Variants in KCNQ5 observed in about 807,000 individuals in gnomAD.
KCNQ5 encodes the protein potassium voltage-gated channel subfamily KQT member 5.
In KCNQ5, 30 loss-of-function variants were observed where a neutral mutation model predicts 98.2. The observed-to-expected ratio is 0.31, with a 90% confidence interval of 0.23 to 0.41. KCNQ5 has a LOEUF of 0.41. Among genes scored for constraint, KCNQ5 ranks in the 10% least tolerant of loss-of-function variants. The pLI is 1.00. For synonymous variants in KCNQ5, 458 were observed against 449.4 expected, an observed-to-expected ratio of 1.02 and a Z score of -0.24; for missense variants, 835 against 1,182.5, an observed-to-expected ratio of 0.71 and a Z score of 4.31.
chr6:73,192,598 A>T lies in KCNQ5; in HGVS notation c.1743A>T (p.Thr581=). 1 of 1,611,796 alleles carries T rather than the reference A, an allele frequency of 6.2e-7. No homozygotes were observed. Among genetic ancestry groups the T allele is most frequent in the Non-Finnish European group, 8.5e-7 (1 of 1,178,880 alleles). The change falls in exon 13 of 14, where the codon ACA becomes ACT. Residue 581 remains threonine, a synonymous_variant. Coordinates refer to ENST00000370398, the MANE Select transcript of KCNQ5 (RefSeq NM_019842.4). ...AAATTCTTGGAAAAGGGCAAATCAC[A>T]TCAGATAAGAAGAGCCGAGAGAAAA... The part of the protein sequence containing the change: ...VDQILGKGQI[T]SDKKSREKIT...
chr6:73,189,643 T>C (rs1244388499), intron 11 of KCNQ5, among the ~76,000 whole-genome samples: 2 of 152,194 alleles, frequency 1.3e-5, no homozygotes, highest in Non-Finnish European at 2.9e-5. Flanking sequence ...GGATTTAAAT[T>C]TACCTGCAAT....
intron 7 of KCNQ5, among the ~76,000 whole-genome samples, chr6:73,113,876 T>C (rs1775367580): frequency 1.3e-5 from 2 of 152,244 alleles, no homozygotes; most frequent in African/African-American, 4.8e-5. Flanking sequence ...ATTGAACTTG[T>C]ACAAATGCAG....
In KCNQ5 at chr6:72,977,626, G is replaced by C. The variant is rs1050204532; in HGVS notation, c.399-26282G>C. ...TGGCTTGATGACTTTAGGGGTTTGG[G>C]GGTTTCACTTACAAATTCAGTAAAT... On this transcript the variant is annotated intron_variant, in intron 1 of 13. Transcript: ENST00000370398. Among the ~76,000 whole-genome samples the C allele has an allele frequency of 3.3e-5, 5 of 152,080 alleles. No individual in the cohort carries two copies. The East Asian group carries it at 7.7e-4, about 23-fold the overall frequency.
chr6:72,795,729 A>G (rs938561931), intron 1 of KCNQ5, among the ~76,000 whole-genome samples: 2 of 152,224 alleles, frequency 1.3e-5, no homozygotes, highest in African/African-American at 4.8e-5. Context: ...GATGTGAACT[A>G]CAGGGATTAT....
chr6:72,729,479 G>T (rs1770451010), intron 1 of KCNQ5, among the ~76,000 whole-genome samples: 2 of 152,112 alleles, frequency 1.3e-5, no homozygotes, highest in Admixed American at 1.3e-4. Flanking sequence ...GTAGAAACAG[G>T]GTTTCGCCAT....
intron 1 of KCNQ5, among the ~76,000 whole-genome samples, chr6:72,696,049 A>C (rs1181941919): frequency 6.6e-6 from 1 of 152,246 alleles, no homozygotes; most frequent in Non-Finnish European, 1.5e-5. Flanking sequence ...GAAGGTACAA[A>C]TATCTAGTAG....
intron 1 of KCNQ5, among the ~76,000 whole-genome samples, chr6:72,714,969 C>T (rs1392979311): frequency 6.6e-6 from 1 of 151,774 alleles, no homozygotes; most frequent in Non-Finnish European, 1.5e-5. Flanking sequence ...TTCTGTGAGC[C>T]AATTGTTTTT....
At chr6:73,066,503 A>G in intron 3 of KCNQ5, among the ~76,000 whole-genome samples, 1 of 152,228 alleles carries the variant, frequency 6.6e-6, no homozygotes, top group East Asian at 1.9e-4. Flanking sequence ...ATATTTGTCG[A>G]ATGAACTAAT....
chr6:72,953,978 C>T (rs773871225), intron 1 of KCNQ5, among the ~76,000 whole-genome samples: 9 of 152,026 alleles, frequency 5.9e-5, no homozygotes, highest in Non-Finnish European at 1.3e-4. Flanking sequence ...TTTCAATTAA[C>T]GAACCACCAA....
intron 8 of KCNQ5, 69 bp downstream of exon 8, chr6:73,120,646 CA>C (rs1263809409): frequency 4.2e-6 from 4 of 955,458 alleles, no homozygotes; most frequent in Non-Finnish European, 6.4e-6. Flanking sequence ...ACCATACCCA[CA>C]CACACAAAAA....
intron 2 of KCNQ5, among the ~76,000 whole-genome samples, chr6:73,035,805 A>G (rs1290909959): frequency 6.6e-6 from 1 of 152,110 alleles, no homozygotes; most frequent in African/African-American, 2.4e-5. Context: ...ATTGTTATTG[A>G]GATAATTGTA....
intron 1 of KCNQ5, among the ~76,000 whole-genome samples, chr6:72,727,365 G>T (rs1770337099): frequency 6.6e-6 from 1 of 152,214 alleles, no homozygotes; most frequent in Admixed American, 6.5e-5. Flanking sequence ...GTTTGTATAA[G>T]ATTGTCATCT....
At chr6:72,757,838 G>T (rs1241258185) in intron 1 of KCNQ5, among the ~76,000 whole-genome samples, 1 of 152,058 alleles carries the variant, frequency 6.6e-6, no homozygotes, top group African/African-American at 2.4e-5. Context: ...AAGAACAGAA[G>T]AAAATTAAAG....
intron 1 of KCNQ5, among the ~76,000 whole-genome samples, chr6:72,812,210 G>A (rs922666753): frequency 2.0e-5 from 3 of 152,158 alleles, no homozygotes; most frequent in South Asian, 2.1e-4. Context: ...GGGTCTTTAT[G>A]ACCTGTATCT....
intron 1 of KCNQ5, among the ~76,000 whole-genome samples, chr6:72,909,616 T>C (rs1433795901): frequency 6.6e-6 from 1 of 152,156 alleles, no homozygotes; most frequent in Non-Finnish European, 1.5e-5. Context: ...TTCAAGAGGA[T>C]GTTTTCTAGA....
At chr6:73,153,204 G>A (rs1777224373) in intron 10 of KCNQ5, among the ~76,000 whole-genome samples, 1 of 152,024 alleles carries the variant, frequency 6.6e-6, no homozygotes, top group African/African-American at 2.4e-5. Flanking sequence ...TCTCAGTGTT[G>A]GCATAGGGTT....
At chr6:72,711,251 A>G (rs952153930) in intron 1 of KCNQ5, among the ~76,000 whole-genome samples, 7 of 151,932 alleles carry the variant, frequency 4.6e-5, no homozygotes, top group Non-Finnish European at 7.4e-5. Context: ...CCATTTACAA[A>G]CCAAGCAGAG....
At chr6:73,047,660 G>A (rs1772032285) in intron 3 of KCNQ5, among the ~76,000 whole-genome samples, 1 of 152,204 alleles carries the variant, frequency 6.6e-6, no homozygotes. Flanking sequence ...ATGATATACT[G>A]TATTAACATT....
At chr6:73,153,903 C>CTA (rs982184685) in intron 10 of KCNQ5, among the ~76,000 whole-genome samples, 3 of 3,404 alleles carry the variant, frequency 8.8e-4, no homozygotes, top group Non-Finnish European at 1.6e-3. Flanking sequence ...TTCAATTCCA[C>CTA]TAAAAAAAAA....
Sources: gnomAD v4.1 joint callset for allele counts (sites outside exome capture counted in the v4.1 genomes callset) on GRCh38, gnomAD v4.1.1 for gene constraint, MANE v1.5 for transcripts, NCBI Gene and HGNC (gene_info 2026-07-23, HGNC 2026-07-21) for gene names.